Variants in ZMAT2 observed in about 807,000 individuals in gnomAD.
ZMAT2 encodes the protein zinc finger matrin-type 2.
ZMAT2 carries 5 observed loss-of-function variants against 27.5 expected under a neutral mutation model. The observed-to-expected ratio is 0.18, with a 90% CI of 0.10 to 0.38. The LOEUF is 0.38. Among genes scored for constraint, ZMAT2 ranks in the 10% least tolerant of loss-of-function variants. The probability of loss-of-function intolerance (pLI) is 1.00; values close to 1 mark genes in which losing one functional copy is unlikely to be tolerated. For synonymous variants in ZMAT2, 76 were observed against 78.6 expected (o/e 0.97, Z 0.17); for missense variants, 124 against 243.9 (o/e 0.51, Z 3.27).
chr5:140,703,939 C>T lies in ZMAT2; in HGVS notation c.258C>T (p.Asp86=). The T allele has an allele frequency of 6.2e-7, 1 of 1,614,076 alleles. No homozygotes were observed. Among genetic ancestry groups the T allele is most frequent in the South Asian group, 1.1e-5 (1 of 91,084 alleles). The change falls in exon 4 of 6, where the codon GAC becomes GAT. Residue 86 remains aspartate (D), a synonymous_variant. Transcript: ENST00000274712. ...TTAGATATTACTGCAATGTCTGTGA[C>T]TGTGTGGTGAAGGACTCCATCAACT... The part of the protein sequence containing the change: ...EMGGYYCNVC[D]CVVKDSINFL...
At chr5:140,702,957 A>T (rs764882130) in intron 3 of ZMAT2, among the ~76,000 whole-genome samples, 1 of 152,198 alleles carries the variant, frequency 6.6e-6, no homozygotes, top group Non-Finnish European at 1.5e-5. Flanking sequence ...TGTATTAGTT[A>T]TCTATTGTTA....
At chr5:140,704,307 T>G (rs1414384691) in intron 4 of ZMAT2, 119 bp from the exon 5 acceptor site, 58 of 1,396,166 alleles carry the variant, frequency 4.2e-5, no homozygotes, top group South Asian at 1.0e-4. Context: ...GGAGTTTCTT[T>G]TAGCCATAAT....
At chr5:140,704,083 C>A in intron 4 of ZMAT2, 92 bp downstream of exon 4, 1 of 1,226,108 alleles carries the variant, frequency 8.2e-7, no homozygotes. Context: ...CTTCTTTTTA[C>A]TCATCAAAAG....
At chr5:140,701,058 CA>C (rs1759952914) in intron 2 of ZMAT2, 146 bp downstream of exon 2, 3 of 743,926 alleles carry the variant, frequency 4.0e-6, no homozygotes, top group Admixed American at 6.0e-5. Flanking sequence ...TCTGCATTTA[CA>C]AAATGAGAGC....
chr5:140,702,254 A>G lies in ZMAT2; in HGVS notation c.236+125A>G, dbSNP rs565013215. On this transcript the variant is annotated intron_variant, in intron 3 of 5. Coordinates refer to ENST00000274712, the MANE Select transcript of ZMAT2 (RefSeq NM_144723.3). ...TTACGTCCTTCTTGCCTGTAATTCTATCTTTATATTTGTTTTTCTGTGTCT... is the reference window on the plus strand; with the variant it reads ...TTACGTCCTTCTTGCCTGTAATTCTGTCTTTATATTTGTTTTTCTGTGTCT... The G allele has an allele frequency of 1.0e-4, 128 of 1,249,726 alleles. No individual in the cohort carries two copies. The African/African-American group carries it at 1.7e-3, about 16-fold the overall frequency. 77.4% of individuals were successfully genotyped at this position (1,249,726 alleles called of 1,614,324 possible). A position where few individuals can be genotyped will look rare whatever the true frequency, so the allele number is the denominator to read the frequency against.
chr5:140,704,730 C>T (rs1025654717), intron 5 of ZMAT2, among the ~76,000 whole-genome samples, 159 bp downstream of exon 5: 1 of 146,286 alleles, frequency 6.8e-6, no homozygotes, highest in Admixed American at 6.6e-5. Context: ...GTTTAGGATT[C>T]TCATGATCTG....
At chr5:140,705,564 ACAT>A in intron 5 of ZMAT2, 46 bp from the exon 6 acceptor site, 2 of 1,558,028 alleles carry the variant, frequency 1.3e-6, no homozygotes, top group Non-Finnish European at 1.7e-6. Context: ...GTTACAAACA[ACAT>A]TTGGCTGAGG....
At chr5:140,701,042 T>C in intron 2 of ZMAT2, 130 bp downstream of exon 2, 1 of 842,610 alleles carries the variant, frequency 1.2e-6, no homozygotes, top group Non-Finnish European at 1.8e-6. Context: ...TCCCTGGGCC[T>C]AGGTTTCTGC....
intron 1 of ZMAT2, 59 bp downstream of exon 1, chr5:140,700,537 A>G: frequency 6.2e-7 from 1 of 1,610,782 alleles, no homozygotes; most frequent in South Asian, 1.1e-5. Context: ...TTCAGACCTG[A>G]ATAGAGACAA....
intron 3 of ZMAT2, 111 bp downstream of exon 3, chr5:140,702,240 T>C (rs1759975448): frequency 7.6e-6 from 10 of 1,318,700 alleles, no homozygotes; most frequent in African/African-American, 4.4e-5. Flanking sequence ...TACGTCCTTC[T>C]TGCCTGTAAT....
At chr5:140,704,654 C>G in intron 5 of ZMAT2, 83 bp downstream of exon 5, 1 of 1,426,256 alleles carries the variant, frequency 7.0e-7, no homozygotes, top group Non-Finnish European at 9.5e-7. Flanking sequence ...TCATCCCACT[C>G]CTACTCCCAC....
Position 140,703,529 on chromosome 5 carries a change from C to T in ZMAT2, c.237-389C>T, listed in dbSNP as rs149653196. Among the ~76,000 whole-genome samples, 253 of 152,280 alleles carry T rather than the reference C, an allele frequency of 1.7e-3. 1 individual carries two copies. Among genetic ancestry groups the T allele is most frequent in the African/African-American group, 5.6e-3 (233 of 41,564 alleles). On this transcript the variant is annotated intron_variant, in intron 3 of 5. Coordinates refer to ENST00000274712, the MANE Select transcript of ZMAT2 (RefSeq NM_144723.3). ...GATTACAGGCGTGAGCCACCATGCC[C>T]GGCCACCCCATAGACCTTTCTATAA...
chr5:140,702,271 T>G (rs1759976178), intron 3 of ZMAT2, 142 bp downstream of exon 3: 6 of 1,153,382 alleles, frequency 5.2e-6, no homozygotes, highest in Middle Eastern at 2.9e-4. Flanking sequence ...TATTTGTTTT[T>G]CTGTGTCTCC....
intron 2 of ZMAT2, among the ~76,000 whole-genome samples, chr5:140,701,392 T>G (rs185092066): frequency 6.6e-6 from 1 of 152,206 alleles, no homozygotes; most frequent in Non-Finnish European, 1.5e-5. Flanking sequence ...TAGTGCTGTT[T>G]CTCTGTGCCT....
At chr5:140,701,981 G>A (rs1051328735) in intron 2 of ZMAT2, 25 bp from the exon 3 acceptor site, 3 of 1,593,558 alleles carry the variant, frequency 1.9e-6, no homozygotes, top group East Asian at 2.3e-5. Context: ...ATATTGAAGG[G>A]ACTTCCTTCC....
At chr5:140,703,344 G>A (rs1452933638) in intron 3 of ZMAT2, among the ~76,000 whole-genome samples, 8 of 150,792 alleles carry the variant, frequency 5.3e-5, no homozygotes, top group East Asian at 1.9e-4. Flanking sequence ...GGGTTCAAGC[G>A]ATTCTCCTGC....
intron 5 of ZMAT2, among the ~76,000 whole-genome samples, chr5:140,705,355 ATG>A (rs1213396453): frequency 1.3e-5 from 2 of 151,358 alleles, no homozygotes; most frequent in African/African-American, 4.9e-5. Flanking sequence ...AATTAACTAA[ATG>A]TACCTAGTCC....
At chr5:140,705,313 C>A (rs1760036291) in intron 5 of ZMAT2, among the ~76,000 whole-genome samples, 1 of 137,732 alleles carries the variant, frequency 7.3e-6, no homozygotes, top group Admixed American at 7.6e-5. Flanking sequence ...TAGCCTCCCC[C>A]ATAATTTTTT....
At chr5:140,704,292 C>A in intron 4 of ZMAT2, 134 bp from the exon 5 acceptor site, 1 of 1,260,900 alleles carries the variant, frequency 7.9e-7, no homozygotes, top group Non-Finnish European at 1.1e-6. Flanking sequence ...ACCCAGCTGG[C>A]CAAGGGAGTT....
Sources: allele counts gnomAD v4.1 joint callset (sites outside exome capture counted in the v4.1 genomes callset), GRCh38; gene constraint gnomAD v4.1.1; transcripts MANE v1.5; gene names NCBI Gene and HGNC (gene_info 2026-07-23, HGNC 2026-07-21).